The following UNC80 variants were observed in gnomAD, a reference collection of about 807,000 sequenced individuals.
UNC80 encodes the protein unc-80 subunit of NALCN channel complex.
UNC80 carries 164 observed loss-of-function variants against 384.6 expected under a neutral mutation model. That is an observed-to-expected ratio of 0.43 (90% CI 0.38 to 0.49). The LOEUF (loss-of-function observed/expected upper bound fraction) is 0.49, where lower values mean the gene tolerates loss of function less well. Among genes scored for constraint, UNC80 ranks in the 20% least tolerant of loss-of-function variants. The probability of loss-of-function intolerance (pLI) is 0.00; values close to 1 mark genes in which losing one functional copy is unlikely to be tolerated. For missense variants in UNC80, 3,330 were observed against 4,143.0 expected, an observed-to-expected ratio of 0.80 and a Z score of 5.39; for synonymous variants, 1,486 against 1,527.8, an observed-to-expected ratio of 0.97 and a Z score of 0.64.
intron 31 of UNC80, among the ~76,000 whole-genome samples, chr2:209,915,722 G>A (rs1287031774): frequency 6.6e-6 from 1 of 152,214 alleles, no homozygotes; most frequent in Non-Finnish European, 1.5e-5. Context: ...TTTAAAAATA[G>A]TGTTTTGTTG....
At chr2:209,794,084 G>A (rs1451099317) in intron 7 of UNC80, among the ~76,000 whole-genome samples, 3 of 152,186 alleles carry the variant, frequency 2.0e-5, no homozygotes, top group Admixed American at 1.3e-4. Context: ...CTGATTTAAT[G>A]AGATGTCTGA....
chr2:209,941,475 C>T lies in UNC80; in HGVS notation c.6901C>T (p.Pro2301Ser). 1 of 1,535,164 alleles carries T rather than the reference C, an allele frequency of 6.5e-7. No homozygotes were observed. Reference protein sequence around the residue: ...FSLSGYQWILPTMLQVYSDYE... With the variant: ...FSLSGYQWILSTMLQVYSDYE... ...TCTCAGCGGCTACCAGTGGATTCTC[C>T]CCACCATGCTGCAGGTGCCCAGAAC... Residue 2301 changes from proline to serine, a missense_variant, in exon 44 of 65, where the codon CCC becomes TCC. Transcript: ENST00000673920.
chr2:209,957,797 T>G (rs1476515533), intron 49 of UNC80, 61 bp downstream of exon 49: 1 of 1,485,656 alleles, frequency 6.7e-7, no homozygotes, highest in Non-Finnish European at 9.2e-7. Context: ...GAATGTCAGC[T>G]GTTGAGAATG....
chr2:209,834,125 G>A lies in UNC80; in HGVS notation c.2899G>A (p.Val967Met). ...CGAGAAGTTAGCACCAGGGAAAAAGGTGGAGGAGAATGAACAGGAATCTAA... is the reference window on the plus strand; with the variant it reads ...CGAGAAGTTAGCACCAGGGAAAAAGATGGAGGAGAATGAACAGGAATCTAA... ...SAEKLAPGKK[V>M]EENEQESKPA... Residue 967 changes from valine to methionine, a missense_variant, in exon 17 of 65, where the codon GTG (valine) becomes ATG (methionine). Transcript: ENST00000673920. The A allele has an allele frequency of 1.3e-6, 2 of 1,551,654 alleles. No homozygotes were observed. The highest frequency in any genetic ancestry group is 1.2e-5 in the South Asian group (1 of 84,050).
At chr2:209,943,232 G>T in intron 44 of UNC80, 148 bp from the exon 45 acceptor site, 1 of 1,010,340 alleles carries the variant, frequency 9.9e-7, no homozygotes, top group South Asian at 2.0e-5. Flanking sequence ...TTTATCTAGA[G>T]AAAGTTTATG....
At chr2:209,862,513 G>A (rs1455203529) in intron 22 of UNC80, among the ~76,000 whole-genome samples, 1 of 152,034 alleles carries the variant, frequency 6.6e-6, no homozygotes, top group Non-Finnish European at 1.5e-5. Context: ...TCCTGTATTG[G>A]GGGCATATAT....
intron 35 of UNC80, among the ~76,000 whole-genome samples, chr2:209,925,581 T>C (rs1046366164): frequency 1.3e-5 from 2 of 152,194 alleles, no homozygotes; most frequent in Non-Finnish European, 2.9e-5. Flanking sequence ...CCCTCCCACA[T>C]CCATTGGTCC....
chr2:209,955,734 TATATACACACAC>T (rs1379400382), intron 48 of UNC80, among the ~76,000 whole-genome samples: 65 of 64,072 alleles, frequency 1.0e-3, no homozygotes, highest in African/African-American at 6.1e-3. Context: ...TATATATATA[TATATACACACAC>T]ACACACACAC....
At chr2:209,830,850 C>T (rs1345642411) in intron 15 of UNC80, among the ~76,000 whole-genome samples, 1 of 152,162 alleles carries the variant, frequency 6.6e-6, no homozygotes. Flanking sequence ...TTTCCCCTCT[C>T]CACCTGCCCA....
intron 40 of UNC80, among the ~76,000 whole-genome samples, chr2:209,936,398 C>G (rs551605257): frequency 3.8e-4 from 58 of 152,282 alleles, no homozygotes; most frequent in African/African-American, 1.4e-3. Context: ...ATAATGTGCA[C>G]AGTGCATGAT....
chr2:209,779,995 A>G (rs1030739389), intron 4 of UNC80, among the ~76,000 whole-genome samples: 1 of 152,250 alleles, frequency 6.6e-6, no homozygotes, highest in Non-Finnish European at 1.5e-5. Flanking sequence ...TTTCTCAAGT[A>G]TAAATTGGAC....
In UNC80 at chr2:209,834,176, G is replaced by A. The variant is rs1360421618; in HGVS notation, c.2942+8G>A. The A allele has an allele frequency of 2.6e-6, 4 of 1,551,192 alleles. No homozygotes were observed. The highest frequency in any genetic ancestry group is 2.6e-6 in the Non-Finnish European group (3 of 1,146,802). ...GCCTGCAGGCAGTAAAAGGTTGGAA[G>A]CTTGAACTCTCTGAATATTACTGTT... is the stretch of plus-strand genomic sequence containing the variant. On this transcript the variant is annotated splice_region_variant and intron_variant, in intron 17 of 64. Coordinates refer to ENST00000673920, the MANE Select transcript of UNC80 (RefSeq NM_001371986.1).
At chr2:209,847,144 C>T (rs2082227838) in intron 21 of UNC80, among the ~76,000 whole-genome samples, 1 of 151,958 alleles carries the variant, frequency 6.6e-6, no homozygotes, top group Non-Finnish European at 1.5e-5. Flanking sequence ...GATTGGGCTA[C>T]TTAACCTGTT....
At position 209,997,582 on chromosome 2, in the gene UNC80, T is replaced by C. The variant is rs2093501822; in HGVS notation, c.*1987T>C. ...CAAGAATCATAAATACCTTTATATG[T>C]ATTTTAAAAGTATTGGGCTGTTCTG... On this transcript the variant is annotated 3_prime_UTR_variant, in exon 65 of 65. Transcript: ENST00000673920. 1 of 152,234 alleles carries C rather than the reference T, an allele frequency of 6.6e-6. No individual in the cohort carries two copies. Among genetic ancestry groups the C allele is most frequent in the Non-Finnish European group, 1.5e-5 (1 of 68,038 alleles). The allele number at this position is 152,234 out of a possible 1,614,324, so 9.4% of individuals were successfully genotyped here.
chr2:209,816,851 A>G, intron 9 of UNC80, 58 bp from the exon 10 acceptor site: 1 of 1,491,554 alleles, frequency 6.7e-7, no homozygotes, highest in Non-Finnish European at 9.1e-7. Context: ...CCCCTTGGGA[A>G]GCAGATTGTA....
intron 22 of UNC80, among the ~76,000 whole-genome samples, chr2:209,860,319 T>A (rs1195999514): frequency 6.6e-6 from 1 of 152,184 alleles, no homozygotes; most frequent in East Asian, 1.9e-4. Context: ...TTGGCAGGTT[T>A]GTTGAAGATT....
chr2:209,812,745 C>T (rs2079455708), intron 7 of UNC80, among the ~76,000 whole-genome samples: 1 of 152,072 alleles, frequency 6.6e-6, no homozygotes, highest in East Asian at 1.9e-4. Flanking sequence ...TTAAACTTAC[C>T]TTTAAATCTG....
intron 43 of UNC80, among the ~76,000 whole-genome samples, chr2:209,940,509 C>T (rs1301291263): frequency 2.0e-5 from 3 of 152,086 alleles, no homozygotes; most frequent in Non-Finnish European, 4.4e-5. Context: ...TGTTTTATCG[C>T]CCTCATCCAG....
chr2:209,829,634 C>T (rs537845125), intron 15 of UNC80, among the ~76,000 whole-genome samples: 4 of 152,200 alleles, frequency 2.6e-5, no homozygotes, highest in African/African-American at 9.6e-5. Flanking sequence ...GGAGTTCTCA[C>T]CTAGCCCTTC....
Sources: gnomAD v4.1 joint callset for allele counts (sites outside exome capture counted in the v4.1 genomes callset) on GRCh38, gnomAD v4.1.1 for gene constraint, MANE v1.5 for transcripts, NCBI Gene and HGNC (gene_info 2026-07-23, HGNC 2026-07-21) for gene names.